ABLIM2: variants seen among roughly 807,000 people sequenced by gnomAD.
ABLIM2 encodes actin binding LIM protein family member 2, also known as actin-binding LIM protein 2.
Under a neutral mutation model 97.7 loss-of-function variants are expected in ABLIM2, and 53 were observed. The observed-to-expected ratio is 0.54, with a 90% CI of 0.44 to 0.68. The LOEUF (loss-of-function observed/expected upper bound fraction) is 0.68, where lower values mean the gene tolerates loss of function less well. ABLIM2 is among the 30% of genes least tolerant of loss of function. ABLIM2 has a pLI of 0.00. For missense variants in ABLIM2, 835 were observed against 867.2 expected (o/e 0.96, Z 0.47); for synonymous variants, 361 against 345.8 (o/e 1.04, Z -0.49).
At chr4:8,026,174 TTTC>T (rs1385227367) in intron 12 of ABLIM2, among the ~76,000 whole-genome samples, 3 of 152,186 alleles carry the variant, frequency 2.0e-5, no homozygotes, top group African/African-American at 7.2e-5. Context: ...GCCCGGCGTT[TTTC>T]TTTTTTCAGA....
intron 1 of ABLIM2, among the ~76,000 whole-genome samples, chr4:8,142,597 G>T (rs1374895100): frequency 6.6e-6 from 1 of 152,212 alleles, no homozygotes; most frequent in Non-Finnish European, 1.5e-5. Context: ...TGTGCTGCAT[G>T]GGCTCACTGG....
At chr4:8,029,586 T>TAAAA (rs758188738) in intron 11 of ABLIM2, 70 bp downstream of exon 11, 850 of 1,050,642 alleles carry the variant, frequency 8.1e-4, no homozygotes, top group East Asian at 1.8e-3. Context: ...AAAAAAAAAC[T>TAAAA]AAAAAAAAAA....
At chr4:7,969,777 C>T (rs1726257720) in intron 20 of ABLIM2, among the ~76,000 whole-genome samples, 1 of 112,518 alleles carries the variant, frequency 8.9e-6, no homozygotes, top group Non-Finnish European at 1.9e-5. Flanking sequence ...ACAGCCTATC[C>T]AGCAAGTCTG....
At chr4:8,116,168 G>T (rs1442905858) in intron 1 of ABLIM2, among the ~76,000 whole-genome samples, 3 of 152,222 alleles carry the variant, frequency 2.0e-5, no homozygotes, top group African/African-American at 7.2e-5. Flanking sequence ...ACCCGTGAAT[G>T]TAACAGGATG....
intron 1 of ABLIM2, among the ~76,000 whole-genome samples, chr4:8,156,501 T>G (rs1715405974): frequency 7.7e-6 from 1 of 129,744 alleles, no homozygotes; most frequent in South Asian, 2.5e-4. Flanking sequence ...GGCAACTGCA[T>G]GGCCTCGATC....
intron 7 of ABLIM2, among the ~76,000 whole-genome samples, chr4:8,060,455 C>A (rs1378561947): frequency 6.6e-6 from 1 of 152,184 alleles, no homozygotes; most frequent in Non-Finnish European, 1.5e-5. Flanking sequence ...CTCTGTGGGG[C>A]TGGCTCTTCC....
chr4:8,125,945 G>T lies in ABLIM2; in HGVS notation c.11-19308C>A, dbSNP rs1847691364. ...AACACACCTGCATGTCTCCTTTTTT[G>T]GTTCACAACACCCTGGGAGGGGGAA... On this transcript the variant is annotated intron_variant, in intron 1 of 20. Coordinates refer to ENST00000447017, the MANE Select transcript of ABLIM2 (RefSeq NM_001130083.2). This position sits in a 1 kb window ranked among gnomAD's most constrained non-coding sequence, Gnocchi z 6.2. 6.6e-6 allele frequency among the ~76,000 whole-genome samples: 1 copy of T among 152,020 alleles called. No homozygotes were observed. The highest frequency in any genetic ancestry group is 2.4e-5 in the African/African-American group (1 of 41,408).
Position 8,032,083 on chromosome 4 carries a change from G to A in ABLIM2, c.1048-2307C>T, listed in dbSNP as rs1235444636. On this transcript the variant is annotated intron_variant, in intron 10 of 20. Transcript: ENST00000447017. The surrounding 1 kb of genome is among the most constrained non-coding windows in gnomAD (Gnocchi z 4.3). ...GGGAAGAGCTCAGGGCACGGTCACT[G>A]CCCAGGCTGTCTATTCCTGGCTACC... is the stretch of plus-strand genomic sequence containing the variant. 6.6e-6 allele frequency among the ~76,000 whole-genome samples: 1 copy of A among 151,990 alleles called. No homozygotes were observed. The highest frequency in any genetic ancestry group is 1.5e-5 in the Non-Finnish European group (1 of 67,994).
Position 8,106,777 on chromosome 4 carries a change from G to A in ABLIM2, c.11-140C>T. 4.6e-6 allele frequency: 5 copies of A among 1,085,902 alleles called. No homozygotes were observed. In the South Asian group the frequency reaches 8.4e-5, roughly 18 times the overall value. 67.3% of individuals were successfully genotyped at this position (1,085,902 alleles called of 1,614,324 possible). Reference sequence around the variant, plus strand: ...CAGCACGAGCCGCACGGGGCATCGGGGTCGGTCTGTTGTCTCCTTTTGCCT... The same window carrying A: ...CAGCACGAGCCGCACGGGGCATCGGAGTCGGTCTGTTGTCTCCTTTTGCCT... On this transcript the variant is annotated intron_variant, in intron 1 of 20. Coordinates refer to ENST00000447017, the MANE Select transcript of ABLIM2 (RefSeq NM_001130083.2).
rs1420560466 is a variant in ABLIM2, at chr4:8,022,078, C to T, written c.1268-1775G>A. On this transcript the variant is annotated intron_variant, in intron 12 of 20. Transcript: ENST00000447017. This position sits in a 1 kb window ranked among gnomAD's most constrained non-coding sequence, Gnocchi z 7.8. ...CACCGCGGATCCCTCCTACCGACTACGGCTGTGCTGGACCCATCCCCACTG... is the reference window on the plus strand; with the variant it reads ...CACCGCGGATCCCTCCTACCGACTATGGCTGTGCTGGACCCATCCCCACTG... Among the ~76,000 whole-genome samples the T allele has an allele frequency of 1.3e-5, 2 of 152,204 alleles. No individual in the cohort carries two copies. The highest frequency in any genetic ancestry group is 1.9e-4 in the East Asian group (1 of 5,194).
rs1004571236 is a variant in ABLIM2 at position 8,072,400 on chromosome 4, G to T, written c.675+5228C>A. ...GCAGAGCAGCCCCAGTTTGGGTGGG[G>T]TCTGCCCCCGACCCCAGGCCAGGGC... On this transcript the variant is annotated intron_variant, in intron 6 of 20. Transcript: ENST00000447017. This position sits in a 1 kb window ranked among gnomAD's most constrained non-coding sequence, Gnocchi z 5.8. Among the ~76,000 whole-genome samples, 32 of 152,180 alleles carry T rather than the reference G, an allele frequency of 2.1e-4. No individual in the cohort carries two copies. Among genetic ancestry groups the T allele is most frequent in the Non-Finnish European group, 3.7e-4 (25 of 68,034 alleles).
Position 8,061,653 on chromosome 4 carries a change from C to CA in ABLIM2, c.676-600dup, listed in dbSNP as rs200304779. 0.098 allele frequency among the ~76,000 whole-genome samples: 13,537 copies of CA among 137,834 alleles called. 1,492 individuals are homozygous for CA. Among genetic ancestry groups the CA allele is most frequent in the African/African-American group, 0.27 (10,439 of 38,184 alleles). 90.4% of individuals were successfully genotyped at this position (137,834 alleles called of 152,430 possible). A position where few individuals can be genotyped will look rare whatever the true frequency, so the allele number is the denominator to read the frequency against. On this transcript the variant is annotated intron_variant, in intron 6 of 20. Coordinates refer to ENST00000447017, the MANE Select transcript of ABLIM2 (RefSeq NM_001130083.2). This position sits in a 1 kb window ranked among gnomAD's most constrained non-coding sequence, Gnocchi z 4.5. ...TGGTTTGGCTTATTTTTGCCTGGAG[C>CA]AAAAAAAAAAAAAATCACCCCGAAA...
At position 8,128,667 on chromosome 4, in the gene ABLIM2, T is replaced by A. The variant is rs1848872984; in HGVS notation, c.11-22030A>T. 1.3e-5 allele frequency among the ~76,000 whole-genome samples: 2 copies of A among 152,008 alleles called. No individual in the cohort carries two copies. Among genetic ancestry groups the A allele is most frequent in the South Asian group, 4.1e-4 (2 of 4,826 alleles). On this transcript the variant is annotated intron_variant, in intron 1 of 20. Transcript: ENST00000447017. This position sits in a 1 kb window ranked among gnomAD's most constrained non-coding sequence, Gnocchi z 4.9. ...TCTAGCCCAAGGCCACTGCCGTGGATTGAATGTGGTGTCCCCTCCCCAGAC... is the reference window on the plus strand; with the variant it reads ...TCTAGCCCAAGGCCACTGCCGTGGAATGAATGTGGTGTCCCCTCCCCAGAC...
rs1209933506 is a variant in ABLIM2 at position 8,130,467 on chromosome 4, G to A, written c.11-23830C>T. Among the ~76,000 whole-genome samples the A allele has an allele frequency of 1.3e-5, 2 of 152,202 alleles. No homozygotes were observed. Among genetic ancestry groups the A allele is most frequent in the Non-Finnish European group, 2.9e-5 (2 of 68,030 alleles). ...TATGGCAGGGAGAGTGGACGCCGGC[G>A]CCGGGCACTGATCTGGGCCTTTCCA... On this transcript the variant is annotated intron_variant, in intron 1 of 20. Transcript: ENST00000447017. This position sits in a 1 kb window ranked among gnomAD's most constrained non-coding sequence, Gnocchi z 4.2.
chr4:8,084,928 C>T (rs6817164), intron 4 of ABLIM2, among the ~76,000 whole-genome samples: 40,334 of 152,078 alleles, frequency 0.27, 5,457 homozygotes, highest in Middle Eastern at 0.32. Flanking sequence ...CTGCGACGGC[C>T]GCCCTGTGAC....
intron 1 of ABLIM2, among the ~76,000 whole-genome samples, chr4:8,115,064 G>A (rs1842218232): frequency 6.6e-6 from 1 of 152,218 alleles, no homozygotes; most frequent in South Asian, 2.1e-4. Context: ...ACGGGTCCCT[G>A]AGGACCGCAA....
intron 1 of ABLIM2, among the ~76,000 whole-genome samples, chr4:8,126,844 C>G (rs1237597433): frequency 6.6e-6 from 1 of 152,016 alleles, no homozygotes; most frequent in Non-Finnish European, 1.5e-5. Context: ...GATGGGAGAA[C>G]TGCTTACACC....
chr4:8,085,778 G>A lies in ABLIM2; in HGVS notation c.454+2391C>T, dbSNP rs1195476158. 3.9e-5 allele frequency among the ~76,000 whole-genome samples: 6 copies of A among 152,220 alleles called. No homozygotes were observed. The highest frequency in any genetic ancestry group is 8.8e-5 in the Non-Finnish European group (6 of 68,036). On this transcript the variant is annotated intron_variant, in intron 4 of 20. Transcript: ENST00000447017. This position sits in a 1 kb window ranked among gnomAD's most constrained non-coding sequence, Gnocchi z 6.1. ...AGGTGTTTAGTCTTTGTACTCATCTGTAGCATCCTCCCCCTTCCAGACCCA... is the reference window on the plus strand; with the variant it reads ...AGGTGTTTAGTCTTTGTACTCATCTATAGCATCCTCCCCCTTCCAGACCCA...
intron 3 of ABLIM2, among the ~76,000 whole-genome samples, chr4:8,089,116 T>G (rs1270989205): frequency 1.3e-5 from 2 of 152,228 alleles, no homozygotes; most frequent in Non-Finnish European, 2.9e-5. Flanking sequence ...TGGCACCACC[T>G]TAAAGTCCGC....
Sources: allele counts gnomAD v4.1 joint callset (sites outside exome capture counted in the v4.1 genomes callset), GRCh38; gene constraint gnomAD v4.1.1; non-coding constraint Gnocchi (gnomAD v3.1); transcripts MANE v1.5; gene names NCBI Gene and HGNC (gene_info 2026-07-23, HGNC 2026-07-21).